The following CRYBG1 variants were observed in gnomAD, a reference collection of about 807,000 sequenced individuals.
CRYBG1 encodes the protein crystallin beta-gamma domain containing 1.
In CRYBG1, 139 loss-of-function variants were observed where a neutral mutation model predicts 189.2. The observed-to-expected ratio is 0.73, with a 90% CI of 0.64 to 0.85. The LOEUF (loss-of-function observed/expected upper bound fraction) is 0.85. Among genes scored for constraint, CRYBG1 ranks in the 40% least tolerant of loss-of-function variants. CRYBG1 has a pLI of 0.00. For synonymous variants in CRYBG1, 1,023 were observed against 1,017.1 expected (o/e 1.01, Z -0.11); for missense variants, 2,611 against 2,675.8 (o/e 0.98, Z 0.53).
chr6:106,366,310 C>T (rs1315059341), intron 1 of CRYBG1, among the ~76,000 whole-genome samples: 1 of 152,066 alleles, frequency 6.6e-6, no homozygotes, highest in Non-Finnish European at 1.5e-5. Context: ...CTCTTATTTT[C>T]CTTATACTAA....
At chr6:106,397,304 A>G (rs1162801485) in intron 1 of CRYBG1, among the ~76,000 whole-genome samples, 1 of 152,238 alleles carries the variant, frequency 6.6e-6, no homozygotes, top group Non-Finnish European at 1.5e-5. Flanking sequence ...AACTTCAAGT[A>G]TGCAGTATAG....
At chr6:106,431,380 TAGATTC>T (rs539364446) in intron 1 of CRYBG1, among the ~76,000 whole-genome samples, 5 of 152,290 alleles carry the variant, frequency 3.3e-5, no homozygotes, top group Admixed American at 3.3e-4. Flanking sequence ...CTAAAGCATT[TAGATTC>T]TAAGCCATCT....
At chr6:106,374,153 G>A (rs2114305342) in intron 1 of CRYBG1, among the ~76,000 whole-genome samples, 1 of 152,272 alleles carries the variant, frequency 6.6e-6, no homozygotes, top group South Asian at 2.1e-4. Context: ...TCTGTGGTTG[G>A]CAAATTGAGT....
At position 106,511,415 on chromosome 6, in the gene CRYBG1, C is replaced by G; in HGVS notation, c.313-15C>G. On this transcript the variant is annotated splice_polypyrimidine_tract_variant and intron_variant, in intron 2 of 21. Coordinates refer to ENST00000633556, the MANE Select transcript of CRYBG1 (RefSeq NM_001371242.2). The stretch of plus-strand genomic sequence containing the variant: ...GATTCTCATATGTTCCCTCCTCATC[C>G]CTTTTATTTTTCAGTCCAGAGCACA... 4 of 1,527,384 alleles carry G rather than the reference C, an allele frequency of 2.6e-6. No homozygotes were observed. The highest frequency in any genetic ancestry group is 3.5e-6 in the Non-Finnish European group (4 of 1,142,142). 94.6% of individuals were successfully genotyped at this position (1,527,384 alleles called of 1,614,324 possible).
At chr6:106,553,928 A>G (rs1459624464) in intron 16 of CRYBG1, among the ~76,000 whole-genome samples, 1 of 152,188 alleles carries the variant, frequency 6.6e-6, no homozygotes, top group Admixed American at 6.5e-5. Context: ...TAGAAAGTAC[A>G]CGCTGGAGTG....
chr6:106,412,134 A>G (rs1176631888), intron 1 of CRYBG1, among the ~76,000 whole-genome samples: 2 of 152,328 alleles, frequency 1.3e-5, no homozygotes, highest in African/African-American at 4.8e-5. Context: ...TAACCATCAC[A>G]TCGTTATTCA....
chr6:106,381,539 G>T (rs2114319570), intron 1 of CRYBG1, among the ~76,000 whole-genome samples: 1 of 152,364 alleles, frequency 6.6e-6, no homozygotes, highest in Non-Finnish European at 1.5e-5. Flanking sequence ...AAGGATGTAA[G>T]TATAGATGTA....
Position 106,530,159 on chromosome 6 carries a change from C to A in CRYBG1, c.4579-17C>A. The stretch of plus-strand genomic sequence containing the variant: ...CATGGTGCAATTCTTACTATCTATG[C>A]ATCTATATTTTTTCAGGATTACAGA... On this transcript the variant is annotated splice_polypyrimidine_tract_variant and intron_variant, in intron 7 of 21. Coordinates refer to ENST00000633556, the MANE Select transcript of CRYBG1 (RefSeq NM_001371242.2). 1.3e-6 allele frequency: 2 copies of A among 1,599,178 alleles called. No homozygotes were observed. Among genetic ancestry groups the A allele is most frequent in the Non-Finnish European group, 8.5e-7 (1 of 1,170,670 alleles).
At chr6:106,439,600 T>C (rs766138625) in intron 1 of CRYBG1, among the ~76,000 whole-genome samples, 5 of 152,202 alleles carry the variant, frequency 3.3e-5, no homozygotes, top group African/African-American at 9.6e-5. Flanking sequence ...TAACACTCCC[T>C]AATTTAAAAT....
chr6:106,443,744 T>TA (rs1258176201), intron 1 of CRYBG1, among the ~76,000 whole-genome samples: 2 of 152,170 alleles, frequency 1.3e-5, no homozygotes, highest in African/African-American at 2.4e-5. Context: ...GGGTACATAG[T>TA]AAGTGTATAT....
chr6:106,412,180 T>A (rs1229949609), intron 1 of CRYBG1, among the ~76,000 whole-genome samples: 6 of 152,252 alleles, frequency 3.9e-5, no homozygotes, highest in African/African-American at 1.4e-4. Context: ...GGCATTTGTG[T>A]AGGAAGCCCA....
At chr6:106,399,582 T>A (rs1414056137) in intron 1 of CRYBG1, among the ~76,000 whole-genome samples, 1 of 152,152 alleles carries the variant, frequency 6.6e-6, no homozygotes, top group Non-Finnish European at 1.5e-5. Flanking sequence ...TATTCTCTTA[T>A]GGCTTAGTAA....
At chr6:106,505,956 T>C (rs1029838600) in intron 2 of CRYBG1, among the ~76,000 whole-genome samples, 1 of 152,210 alleles carries the variant, frequency 6.6e-6, no homozygotes, top group African/African-American at 2.4e-5. Flanking sequence ...CTTTTGTACA[T>C]TGATGACCAC....
At chr6:106,497,584 T>C (rs907363582) in intron 2 of CRYBG1, among the ~76,000 whole-genome samples, 4 of 152,224 alleles carry the variant, frequency 2.6e-5, no homozygotes, top group African/African-American at 7.2e-5. Context: ...TGTGCGTGTA[T>C]GTGATAGTCA....
chr6:106,412,162 T>C (rs72947681), intron 1 of CRYBG1, among the ~76,000 whole-genome samples: 2 of 152,372 alleles, frequency 1.3e-5, no homozygotes, highest in Non-Finnish European at 2.9e-5. Flanking sequence ...GACAGCTTTT[T>C]CAGCACTGGC....
At chr6:106,430,233 C>T (rs1005548204) in intron 1 of CRYBG1, among the ~76,000 whole-genome samples, 1 of 152,024 alleles carries the variant, frequency 6.6e-6, no homozygotes, top group East Asian at 1.9e-4. Context: ...GAGTTTGAAA[C>T]CAGCCTAGGC....
At chr6:106,552,925 T>C (rs373551523) in intron 15 of CRYBG1, among the ~76,000 whole-genome samples, 2 of 152,354 alleles carry the variant, frequency 1.3e-5, no homozygotes, top group South Asian at 2.1e-4. Flanking sequence ...TTCTGAATGC[T>C]GATTCTTAAC....
intron 7 of CRYBG1, among the ~76,000 whole-genome samples, chr6:106,528,369 T>C (rs1046333649): frequency 1.3e-5 from 2 of 152,212 alleles, no homozygotes; most frequent in Non-Finnish European, 2.9e-5. Context: ...ACTGCTCAAA[T>C]AATATTGGAA....
At chr6:106,443,156 G>A (rs2114424371) in intron 1 of CRYBG1, among the ~76,000 whole-genome samples, 1 of 152,174 alleles carries the variant, frequency 6.6e-6, no homozygotes, top group South Asian at 2.1e-4. Context: ...TACTGGTGAG[G>A]TGGAAGAAAC....
Sources: allele counts gnomAD v4.1 joint callset (sites outside exome capture counted in the v4.1 genomes callset), GRCh38; gene constraint gnomAD v4.1.1; transcripts MANE v1.5; gene names NCBI Gene and HGNC (gene_info 2026-07-23, HGNC 2026-07-21).